SNAP25: variants seen among roughly 807,000 people sequenced by gnomAD.
SNAP25 encodes synaptosome associated protein 25, also known as synaptosomal-associated protein 25.
A neutral mutation model predicts 28.7 loss-of-function variants in SNAP25; 3 were observed. That is an observed-to-expected ratio of 0.10 (90% CI 0.05 to 0.27). The LOEUF (loss-of-function observed/expected upper bound fraction) is 0.27. Among genes scored for constraint, SNAP25 ranks in the 10% least tolerant of loss-of-function variants. The pLI, the probability that SNAP25 is intolerant of heterozygous loss-of-function variation, is 1.00. For synonymous variants in SNAP25, 61 were observed against 88.1 expected (o/e 0.69, Z 1.72); for missense variants, 117 against 278.7 (o/e 0.42, Z 4.13).
intron 5 of SNAP25, among the ~76,000 whole-genome samples, chr20:10,295,278 G>A (rs1053906805): frequency 2.0e-5 from 3 of 152,230 alleles, no homozygotes; most frequent in Non-Finnish European, 4.4e-5. Flanking sequence ...TTTCAGAAAC[G>A]CATACTTCCC....
intron 1 of SNAP25, among the ~76,000 whole-genome samples, chr20:10,274,415 A>G (rs1359920780): frequency 6.6e-6 from 1 of 152,254 alleles, no homozygotes; most frequent in Non-Finnish European, 1.5e-5. Flanking sequence ...TGAATGAACT[A>G]TTAATACATG....
At position 10,275,069 on chromosome 20, in the gene SNAP25, T is replaced by TTAAATAAATAAA. The variant is rs377525248; in HGVS notation, c.-63-326_-63-315dup. On this transcript the variant is annotated intron_variant, in intron 1 of 7. Transcript: ENST00000254976. ...ATCTGTTATACCTTAATAGAGCTATTTAAATAAATAAATAAATAAATAAAT... is the reference window on the plus strand; with the variant it reads ...ATCTGTTATACCTTAATAGAGCTATTTAAATAAATAAATAAATAAATAAATAAATAAATAAAT... Among the ~76,000 whole-genome samples the TTAAATAAATAAA allele has an allele frequency of 6.9e-3, 913 of 131,960 alleles. 8 individuals carry two copies. The highest frequency in any genetic ancestry group is 0.012 in the Middle Eastern group (3 of 260). The allele number at this position is 131,960 out of a possible 152,430, so 86.6% of individuals were successfully genotyped here.
intron 7 of SNAP25, among the ~76,000 whole-genome samples, chr20:10,300,681 C>T (rs1216291724): frequency 1.3e-5 from 2 of 152,136 alleles, no homozygotes; most frequent in Non-Finnish European, 2.9e-5. Context: ...GTTGTACATA[C>T]TCCATGTTAA....
chr20:10,230,526 T>A (rs2062811189), intron 1 of SNAP25, among the ~76,000 whole-genome samples: 1 of 152,146 alleles, frequency 6.6e-6, no homozygotes, highest in African/African-American at 2.4e-5. Context: ...CAGGATTTTG[T>A]TTGAAATGCA....
intron 1 of SNAP25, among the ~76,000 whole-genome samples, chr20:10,255,070 A>G (rs1431378151): frequency 2.6e-5 from 4 of 152,200 alleles, no homozygotes; most frequent in African/African-American, 4.8e-5. Context: ...CTTCTCCCCA[A>G]GCCATCAGGG....
At chr20:10,261,308 G>T (rs948068870) in intron 1 of SNAP25, among the ~76,000 whole-genome samples, 8 of 152,108 alleles carry the variant, frequency 5.3e-5, no homozygotes, top group African/African-American at 1.7e-4. Context: ...CCAGATCCCA[G>T]GATAAAGGTA....
At chr20:10,244,454 A>T (rs752654099) in intron 1 of SNAP25, among the ~76,000 whole-genome samples, 10 of 152,196 alleles carry the variant, frequency 6.6e-5, no homozygotes, top group Non-Finnish European at 1.5e-4. Context: ...TCAAGGTAGG[A>T]ACTATTATCA....
Position 10,306,351 on chromosome 20 carries a change from A to T in SNAP25, c.*154A>T. 1 of 624,694 alleles carries T rather than the reference A, an allele frequency of 1.6e-6. No homozygotes were observed. The highest frequency in any genetic ancestry group is 2.7e-5 in the Admixed American group (1 of 37,590). 38.7% of individuals were successfully genotyped at this position (624,694 alleles called of 1,614,324 possible). A position where few individuals can be genotyped will look rare whatever the true frequency, so the allele number is the denominator to read the frequency against. On this transcript the variant is annotated 3_prime_UTR_variant, in exon 8 of 8. Transcript: ENST00000254976. ...CTGTGTCATCTGTCAGCTTCCCAAC[A>T]ATACTTTGTGTCTTTTGTTCTCTCT...
Position 10,277,669 on chromosome 20 carries a change from G to T in SNAP25, c.73-16G>T. Reference sequence around the variant, plus strand: ...GCACTCATAAAGTTTATGTTTGTTTGTTTTTTAAATCTTAGTCGCTGGAAA... The same window carrying T: ...GCACTCATAAAGTTTATGTTTGTTTTTTTTTTAAATCTTAGTCGCTGGAAA... On this transcript the variant is annotated splice_polypyrimidine_tract_variant and intron_variant, in intron 2 of 7. Coordinates refer to ENST00000254976, the MANE Select transcript of SNAP25 (RefSeq NM_130811.4). The T allele has an allele frequency of 6.2e-7, 1 of 1,611,644 alleles. No homozygotes were observed. The highest frequency in any genetic ancestry group is 8.5e-7 in the Non-Finnish European group (1 of 1,179,070).
intron 3 of SNAP25, among the ~76,000 whole-genome samples, chr20:10,278,970 C>T (rs900202861): frequency 6.6e-6 from 1 of 151,890 alleles, no homozygotes; most frequent in African/African-American, 2.4e-5. Context: ...AATCTGTTAT[C>T]CCCCAAAATG....
At chr20:10,288,415 A>G (rs943445715) in intron 4 of SNAP25, among the ~76,000 whole-genome samples, 2 of 152,188 alleles carry the variant, frequency 1.3e-5, no homozygotes, top group African/African-American at 4.8e-5. Context: ...CATGAATAAC[A>G]GGCTTACATG....
At chr20:10,262,296 G>T (rs1198962668) in intron 1 of SNAP25, among the ~76,000 whole-genome samples, 2 of 152,132 alleles carry the variant, frequency 1.3e-5, no homozygotes, top group African/African-American at 4.8e-5. Context: ...CCATTTCAAG[G>T]ATACCTTAAG....
chr20:10,227,586 A>G (rs1029496391), intron 1 of SNAP25, among the ~76,000 whole-genome samples: 2 of 152,152 alleles, frequency 1.3e-5, no homozygotes, highest in African/African-American at 2.4e-5. Flanking sequence ...TAGCTGCCAA[A>G]CTATGGCAAA....
chr20:10,282,271 A>G (rs1347885087), intron 3 of SNAP25, among the ~76,000 whole-genome samples: 1 of 152,084 alleles, frequency 6.6e-6, no homozygotes, highest in Non-Finnish European at 1.5e-5. Context: ...TGAGTGATTA[A>G]CCAACCACTC....
rs576264224 is a variant in SNAP25 at position 10,300,822 on chromosome 20, A to G, written c.552+1410A>G. On this transcript the variant is annotated intron_variant, in intron 7 of 7. Transcript: ENST00000254976. ...GCTTATCGTTGTTAAGAAGGCTTTC[A>G]TATGATAAAGCTTTTAAAGCTGTGT... Among the ~76,000 whole-genome samples the G allele has an allele frequency of 7.2e-5, 11 of 152,330 alleles. 1 individual carries two copies. In the South Asian group the frequency reaches 1.9e-3, roughly 26 times the overall value.
intron 1 of SNAP25, among the ~76,000 whole-genome samples, chr20:10,275,001 A>G (rs2063663318): frequency 1.3e-5 from 2 of 151,844 alleles, no homozygotes; most frequent in Non-Finnish European, 1.5e-5. Flanking sequence ...ATATGTCAAA[A>G]CTTCTCAAGT....
intron 5 of SNAP25, chr20:10,296,308 A>ATTATCTAT (rs906862247): frequency 2.0e-5 from 3 of 152,556 alleles, no homozygotes; most frequent in Admixed American, 6.5e-5. Context: ...GTACCGATAT[A>ATTATCTAT]TTATCTAATT....
At chr20:10,280,613 GA>G (rs896883749) in intron 3 of SNAP25, among the ~76,000 whole-genome samples, 2 of 152,002 alleles carry the variant, frequency 1.3e-5, no homozygotes, top group African/African-American at 2.4e-5. Flanking sequence ...TTAATTCCAG[GA>G]AAAAAAGTTA....
At chr20:10,261,281 G>A (rs764473209) in intron 1 of SNAP25, among the ~76,000 whole-genome samples, 7 of 152,078 alleles carry the variant, frequency 4.6e-5, no homozygotes, top group East Asian at 1.9e-4. Flanking sequence ...TCAGGAAATC[G>A]CTTTTTCTGT....
Sources: allele counts gnomAD v4.1 joint callset (sites outside exome capture counted in the v4.1 genomes callset), GRCh38; gene constraint gnomAD v4.1.1; transcripts MANE v1.5; gene names NCBI Gene and HGNC (gene_info 2026-07-23, HGNC 2026-07-21).